The following FOXO1 variants were observed in gnomAD, a reference collection of about 807,000 sequenced individuals.
The protein encoded by FOXO1 is forkhead box O1, also known as forkhead box protein O1.
FOXO1 carries 6 observed loss-of-function variants against 44.1 expected under a neutral mutation model. The observed-to-expected ratio is 0.14, with a 90% CI of 0.07 to 0.27. FOXO1 has a LOEUF of 0.27. FOXO1 is among the 10% of genes least tolerant of loss of function. The probability of loss-of-function intolerance (pLI) is 1.00; values close to 1 mark genes in which losing one functional copy is unlikely to be tolerated. For synonymous variants in FOXO1, 380 were observed against 362.7 expected (o/e 1.05, Z -0.54); for missense variants, 737 against 888.8 (o/e 0.83, Z 2.17).
intron 1 of FOXO1, chr13:40,619,473 G>C (rs1376827163): frequency 1.2e-5 from 16 of 1,280,682 alleles, no homozygotes; most frequent in East Asian, 4.7e-5. Flanking sequence ...GAACAAACTC[G>C]AACAGTGGAG....
intron 1 of FOXO1, among the ~76,000 whole-genome samples, chr13:40,631,900 T>G (rs1169139777): frequency 6.6e-6 from 1 of 152,190 alleles, no homozygotes; most frequent in African/African-American, 2.4e-5. Context: ...ACAGTACGTT[T>G]TAAAACGGTT....
chr13:40,611,186 T>C, intron 1 of FOXO1: 1 of 349,156 alleles, frequency 2.9e-6, no homozygotes. Flanking sequence ...TGTTCTACCC[T>C]GTTACATAAA....
intron 1 of FOXO1, among the ~76,000 whole-genome samples, chr13:40,627,594 A>G (rs919078985): frequency 7.9e-5 from 12 of 152,140 alleles, no homozygotes; most frequent in African/African-American, 2.9e-4. Flanking sequence ...GCACTTTGGG[A>G]AGCCAAGGTG....
rs530675307 is a variant in FOXO1, at chr13:40,568,739, A to G, written c.631-7879T>C. Among the ~76,000 whole-genome samples the G allele has an allele frequency of 4.6e-5, 7 of 152,122 alleles. No individual in the cohort carries two copies. The East Asian group carries it at 1.4e-3, about 29-fold the overall frequency. On this transcript the variant is annotated intron_variant, in intron 1 of 2. Coordinates refer to ENST00000379561, the MANE Select transcript of FOXO1 (RefSeq NM_002015.4). ...TCTTGCCCGAATATCCTCAAAGACC[A>G]CTATACCCCCCACTGCTACCCCCAC... is the stretch of plus-strand genomic sequence containing the variant.
chr13:40,595,570 C>T (rs745627064), intron 1 of FOXO1, among the ~76,000 whole-genome samples: 2 of 151,908 alleles, frequency 1.3e-5, no homozygotes, highest in African/African-American at 2.4e-5. Flanking sequence ...CAGGGTAAAA[C>T]GGGGCAGGGG....
intron 1 of FOXO1, among the ~76,000 whole-genome samples, chr13:40,639,684 C>T (rs1225179270): frequency 2.0e-5 from 3 of 152,226 alleles, no homozygotes; most frequent in African/African-American, 7.2e-5. Flanking sequence ...TCTCTAATCA[C>T]TAGATGCCAG....
chr13:40,560,005 C>A lies in FOXO1; in HGVS notation c.1486G>T (p.Val496Phe). The A allele has an allele frequency of 3.1e-6, 5 of 1,614,142 alleles. No individual in the cohort carries two copies. Among genetic ancestry groups the A allele is most frequent in the Non-Finnish European group, 4.2e-6 (5 of 1,180,026 alleles). Residue 496 changes from valine (V) to phenylalanine (F), a missense_variant, in exon 2 of 3, where the codon GTC becomes TTC. Physicochemically the swap from Val to Phe is conservative, Grantham distance 50. Coordinates refer to ENST00000379561, the MANE Select transcript of FOXO1 (RefSeq NM_002015.4). This position sits in a 1 kb window ranked among gnomAD's most constrained non-coding sequence, Gnocchi z 5.1. ...ATGACCGAATTAGGGCCCATCATGA[C>A]GTTCTGGCCCAGAACCCGGCTGTTG... Reference protein sequence around the residue: ...QPNSRVLGQNVMMGPNSVMST... With the variant: ...QPNSRVLGQNFMMGPNSVMST...
chr13:40,624,704 T>C (rs1462888026), intron 1 of FOXO1, among the ~76,000 whole-genome samples: 1 of 152,216 alleles, frequency 6.6e-6, no homozygotes, highest in African/African-American at 2.4e-5. Flanking sequence ...TTTGGAAATT[T>C]TGAGAGTATA....
At chr13:40,620,106 AC>A in intron 1 of FOXO1, 1 of 1,125,308 alleles carries the variant, frequency 8.9e-7, no homozygotes, top group East Asian at 2.4e-5. Flanking sequence ...AAGATAGAGA[AC>A]ACAGAGGTAC....
intron 1 of FOXO1, among the ~76,000 whole-genome samples, chr13:40,595,140 G>A (rs1030258475): frequency 2.0e-5 from 3 of 152,180 alleles, no homozygotes; most frequent in Non-Finnish European, 4.4e-5. Context: ...AACTGAGATG[G>A]AGCGATTAGG....
intron 1 of FOXO1, among the ~76,000 whole-genome samples, chr13:40,570,475 G>A (rs1874447774): frequency 6.6e-6 from 1 of 152,126 alleles, no homozygotes; most frequent in Admixed American, 6.5e-5. Flanking sequence ...CACAAGACCG[G>A]GGGCAGAAAG....
chr13:40,664,255 G>C (rs1231635691), intron 1 of FOXO1, among the ~76,000 whole-genome samples: 1 of 152,208 alleles, frequency 6.6e-6, no homozygotes, highest in Non-Finnish European at 1.5e-5. Context: ...CCTGGCGACA[G>C]AGCGAGACTC....
chr13:40,581,614 G>T (rs778875215), intron 1 of FOXO1, among the ~76,000 whole-genome samples: 1 of 152,090 alleles, frequency 6.6e-6, no homozygotes, highest in Non-Finnish European at 1.5e-5. Flanking sequence ...TCCCACAAAT[G>T]ACAATGTTCT....
chr13:40,620,126 C>T (rs1876559417), intron 1 of FOXO1: 2 of 1,289,816 alleles, frequency 1.6e-6, no homozygotes, highest in Non-Finnish European at 2.2e-6. Flanking sequence ...ACTGCATATA[C>T]CCCATTCTCT....
At chr13:40,564,705 AG>A (rs1198011828) in intron 1 of FOXO1, among the ~76,000 whole-genome samples, 1 of 152,214 alleles carries the variant, frequency 6.6e-6, no homozygotes, top group Non-Finnish European at 1.5e-5. Flanking sequence ...CTGAGGACAG[AG>A]GCAGGATGTC....
chr13:40,626,811 A>T (rs552961203), intron 1 of FOXO1, among the ~76,000 whole-genome samples: 28 of 152,286 alleles, frequency 1.8e-4, no homozygotes, highest in African/African-American at 5.5e-4. Context: ...TAGAGAACAA[A>T]CATTCCTCCA....
At chr13:40,600,575 C>G (rs896792666) in intron 1 of FOXO1, among the ~76,000 whole-genome samples, 1 of 152,196 alleles carries the variant, frequency 6.6e-6, no homozygotes, top group Non-Finnish European at 1.5e-5. Flanking sequence ...CCAAAAAACA[C>G]AATATTTCAG....
Position 40,632,104 on chromosome 13 carries a change from T to C in FOXO1, c.630+33479A>G, listed in dbSNP as rs549875328. 2.6e-5 allele frequency among the ~76,000 whole-genome samples: 4 copies of C among 152,126 alleles called. No homozygotes were observed. In the South Asian group the frequency reaches 8.3e-4, roughly 32 times the overall value. On this transcript the variant is annotated intron_variant, in intron 1 of 2. Coordinates refer to ENST00000379561, the MANE Select transcript of FOXO1 (RefSeq NM_002015.4). ...GGCTAACACAGTGAAACCCCATCTCTACTAAAAATACAAAAAATTAGCCAG... is the reference window on the plus strand; with the variant it reads ...GGCTAACACAGTGAAACCCCATCTCCACTAAAAATACAAAAAATTAGCCAG...
chr13:40,600,285 T>C (rs992198178), intron 1 of FOXO1, among the ~76,000 whole-genome samples: 1 of 152,120 alleles, frequency 6.6e-6, no homozygotes, highest in Non-Finnish European at 1.5e-5. Context: ...AAGAACAAGA[T>C]AGCTGGAATT....
Sources: allele counts gnomAD v4.1 joint callset (sites outside exome capture counted in the v4.1 genomes callset), GRCh38; gene constraint gnomAD v4.1.1; non-coding constraint Gnocchi (gnomAD v3.1); transcripts MANE v1.5; gene names NCBI Gene and HGNC (gene_info 2026-07-23, HGNC 2026-07-21).